MID2: variants seen among roughly 807,000 people sequenced by gnomAD.
The protein encoded by MID2 is probable E3 ubiquitin-protein ligase MID2.
MID2 carries 13 observed loss-of-function variants against 46.1 expected under a neutral mutation model. The ratio of observed to expected loss-of-function variants is 0.28; its 90% CI spans 0.18 to 0.45. The LOEUF is 0.45. MID2 is among the 20% of genes least tolerant of loss of function. The probability of loss-of-function intolerance (pLI) is 1.00; values close to 1 mark genes in which losing one functional copy is unlikely to be tolerated. For missense variants in MID2, 431 were observed against 575.4 expected (o/e 0.75, Z 2.57); for synonymous variants, 199 against 212.3 (o/e 0.94, Z 0.55).
In MID2 at chrX:107,928,429, G is replaced by A. The variant is rs1306877477; in HGVS notation, c.*1356G>A. On this transcript the variant is annotated 3_prime_UTR_variant, in exon 10 of 10. Transcript: ENST00000262843. ...TTTTTTTTTTTAAATTTCCATCGAA[G>A]GGATTGGGGATGTCAGAGAGCCAGA... 9.0e-6 allele frequency among the ~76,000 whole-genome samples: 1 copy of A among 110,747 alleles called. No individual in the cohort carries two copies. Among genetic ancestry groups the A allele is most frequent in the Non-Finnish European group, 1.9e-5 (1 of 52,814 alleles).
Position 107,848,514 on chromosome X carries a change from C to T in MID2, c.721-6095C>T, listed in dbSNP as rs891840526. Among the ~76,000 whole-genome samples, 7 of 110,959 alleles carry T rather than the reference C, an allele frequency of 6.3e-5. 1 individual carries two copies. Among genetic ancestry groups the T allele is most frequent in the Non-Finnish European group, 1.1e-4 (6 of 52,935 alleles). ...TAAGGAGAGTGGGGGAGGTGTGGGT[C>T]TCAGCTGGATGATCACAGAGCCTTT... On this transcript the variant is annotated intron_variant, in intron 2 of 9. Transcript: ENST00000262843.
chrX:107,851,652 AAACAACAACAACAAC>A (rs746654148), intron 2 of MID2, among the ~76,000 whole-genome samples: 1 of 108,792 alleles, frequency 9.2e-6, no homozygotes, highest in Non-Finnish European at 1.9e-5. Context: ...TCCTCAGTGC[AAACAACAACAACAAC>A]AACAACAACA....
At chrX:107,863,626 C>G (rs1931900698) in intron 3 of MID2, among the ~76,000 whole-genome samples, 1 of 112,680 alleles carries the variant, frequency 8.9e-6, no homozygotes, top group South Asian at 3.6e-4. Context: ...TTAATGGAAT[C>G]TTAATAATTC....
chrX:107,869,933 G>C (rs1048079428), intron 3 of MID2, among the ~76,000 whole-genome samples: 1 of 110,819 alleles, frequency 9.0e-6, no homozygotes, highest in Admixed American at 9.6e-5. Context: ...TTTTGCCTCA[G>C]CTAAAACATT....
intron 3 of MID2, chrX:107,895,662 A>G (rs1238804299): frequency 8.9e-6 from 1 of 112,262 alleles, no homozygotes; most frequent in East Asian, 2.8e-4. Flanking sequence ...GTGTGGACAT[A>G]AATGTTCATA....
intron 3 of MID2, among the ~76,000 whole-genome samples, chrX:107,882,393 G>T (rs915873401): frequency 5.4e-5 from 6 of 111,648 alleles, no homozygotes; most frequent in Non-Finnish European, 1.1e-4. Context: ...CACAGCAAAA[G>T]AAATTACCAT....
intron 5 of MID2, among the ~76,000 whole-genome samples, chrX:107,914,308 C>A (rs1932934374): frequency 8.9e-6 from 1 of 111,948 alleles, no homozygotes; most frequent in South Asian, 3.8e-4. Context: ...GAAAGAAATT[C>A]CATGAGCTAA....
chrX:107,855,812 T>C (rs1203544785), intron 3 of MID2, among the ~76,000 whole-genome samples: 2 of 111,901 alleles, frequency 1.8e-5, no homozygotes, highest in Non-Finnish European at 3.8e-5. Context: ...ACCATAGAAA[T>C]TTAATCCCTG....
At chrX:107,826,542 AG>A in intron 1 of MID2, 112 bp downstream of exon 1, 1 of 932,540 alleles carries the variant, frequency 1.1e-6, no homozygotes, top group Non-Finnish European at 1.4e-6. Context: ...GCGTTGGCCG[AG>A]GGCTCTCCGG....
intron 5 of MID2, among the ~76,000 whole-genome samples, chrX:107,907,967 G>T (rs1932850776): frequency 9.0e-6 from 1 of 111,605 alleles, no homozygotes; most frequent in Non-Finnish European, 1.9e-5. Flanking sequence ...ACTTTATGAG[G>T]TAGATACTAC....
rs766707051 is a variant in MID2, at chrX:107,845,525, A to ACTCT, written c.720+4170_720+4173dup. Among the ~76,000 whole-genome samples the ACTCT allele has an allele frequency of 6.1e-3, 447 of 72,934 alleles. 4 individuals carry two copies. The highest frequency in any genetic ancestry group is 0.023 in the African/African-American group (303 of 13,210). 63.3% of individuals were successfully genotyped at this position (72,934 alleles called of 115,157 possible). A position where few individuals can be genotyped will look rare whatever the true frequency, so the allele number is the denominator to read the frequency against. On this transcript the variant is annotated intron_variant, in intron 2 of 9. Coordinates refer to ENST00000262843, the MANE Select transcript of MID2 (RefSeq NM_012216.4). ...CACACACACACACACACACACACAC[A>ACTCT]CTCTCTCTCTCTCTCTCTCTCTCTC...
intron 2 of MID2, among the ~76,000 whole-genome samples, chrX:107,845,569 G>A (rs1931452447): frequency 1.1e-5 from 1 of 87,666 alleles, no homozygotes; most frequent in South Asian, 4.8e-4. Flanking sequence ...AGCAAGACTG[G>A]GACAGAGAAA....
At position 107,904,045 on chromosome X, in the gene MID2, G is replaced by A. The variant is rs748277805; in HGVS notation, c.904G>A (p.Val302Ile). ...CCAGCAGAGGAAGCAAATGATCGCT[G>A]TCAAAATCAAAGAGACAAAGGTAAA... ...IIQQRKQMIA[V>I]KIKETKVMKL... is the part of the protein sequence containing the mutation. The change falls in exon 4 of 10, where the codon GTC (valine) becomes ATC (isoleucine). Residue 302 changes from valine to isoleucine, a missense_variant. Coordinates refer to ENST00000262843, the MANE Select transcript of MID2 (RefSeq NM_012216.4). The A allele has an allele frequency of 4.2e-6, 5 of 1,192,293 alleles. No individual in the cohort carries two copies. Among genetic ancestry groups the A allele is most frequent in the Non-Finnish European group, 5.7e-6 (5 of 879,068 alleles).
At chrX:107,880,810 A>G (rs951693987) in intron 3 of MID2, among the ~76,000 whole-genome samples, 1 of 112,203 alleles carries the variant, frequency 8.9e-6, no homozygotes, top group African/African-American at 3.2e-5. Flanking sequence ...TTAAACTATA[A>G]ACTAAGCGTC....
chrX:107,907,775 C>T (rs1254133380), intron 5 of MID2, among the ~76,000 whole-genome samples: 1 of 111,943 alleles, frequency 8.9e-6, no homozygotes, highest in Non-Finnish European at 1.9e-5. Flanking sequence ...TATTTATATC[C>T]AAGTAATACC....
At chrX:107,875,290 A>G (rs776805767) in intron 3 of MID2, among the ~76,000 whole-genome samples, 2 of 111,787 alleles carry the variant, frequency 1.8e-5, no homozygotes, top group East Asian at 2.8e-4. Context: ...ACTGGGTGTA[A>G]TGGAACCACA....
chrX:107,827,093 C>T (rs1043890055), intron 1 of MID2, among the ~76,000 whole-genome samples: 2 of 112,677 alleles, frequency 1.8e-5, no homozygotes, highest in African/African-American at 3.2e-5. Flanking sequence ...TTTTCCATTC[C>T]TGCCTTGTAA....
chrX:107,880,588 G>A (rs183488772), intron 3 of MID2, among the ~76,000 whole-genome samples: 1 of 111,889 alleles, frequency 8.9e-6, no homozygotes, highest in African/African-American at 3.2e-5. Context: ...ACCTGAAAAG[G>A]TATCTCAAAA....
chrX:107,828,698 G>A lies in MID2; in HGVS notation c.4+2268G>A, dbSNP rs1328198620. On this transcript the variant is annotated intron_variant, in intron 1 of 9. Coordinates refer to ENST00000262843, the MANE Select transcript of MID2 (RefSeq NM_012216.4). ...TAGTGGTTAAAACACAGGTCCAGGA[G>A]TCAAGAAGATCAGAGTTCATCCCAA... Among the ~76,000 whole-genome samples, 3 of 112,362 alleles carry A rather than the reference G, an allele frequency of 2.7e-5. No homozygotes were observed. In the East Asian group the frequency reaches 8.3e-4, roughly 31 times the overall value.
Sources: allele counts gnomAD v4.1 joint callset (sites outside exome capture counted in the v4.1 genomes callset), GRCh38; gene constraint gnomAD v4.1.1; transcripts MANE v1.5; gene names NCBI Gene and HGNC (gene_info 2026-07-23, HGNC 2026-07-21).